PPP1R16A: variants seen among roughly 807,000 people sequenced by gnomAD.
The protein encoded by PPP1R16A is protein phosphatase 1 regulatory subunit 16A, also known as myosin phosphatase-targeting subunit 3.
A neutral mutation model predicts 46.6 loss-of-function variants in PPP1R16A; 39 were observed. The observed-to-expected ratio is 0.84, with a 90% CI of 0.65 to 1.09. The LOEUF is 1.09. Ranked by LOEUF, PPP1R16A falls within the 50% of genes least tolerant of loss-of-function variation. The pLI, the probability that PPP1R16A is intolerant of heterozygous loss-of-function variation, is 0.00. For missense variants in PPP1R16A, 798 were observed against 735.6 expected (o/e 1.08, Z -0.98); for synonymous variants, 413 against 321.5 (o/e 1.28, Z -3.04).
chr8:144,501,327 G>A (rs1232572860), intron 11 of PPP1R16A, 33 bp downstream of exon 11: 2 of 1,544,032 alleles, frequency 1.3e-6, no homozygotes, highest in Non-Finnish European at 1.7e-6. Context: ...GCCCAGCGCA[G>A]GGGTGGGCCT....
chr8:144,493,049 G>A lies in PPP1R16A; in HGVS notation c.-735+2837G>A, dbSNP rs1445811631. On this transcript the variant is annotated intron_variant, in intron 2 of 11. Coordinates refer to ENST00000435887, the MANE Select transcript of PPP1R16A (RefSeq NM_001329443.2). This position sits in a 1 kb window ranked among gnomAD's most constrained non-coding sequence, Gnocchi z 4.3. ...CTGAGGCAGTGATGGGAGTAGAGAG[G>A]GCACTGAGGCTCTCGGGCCTGGAGC... 6.6e-6 allele frequency among the ~76,000 whole-genome samples: 1 copy of A among 152,098 alleles called. No homozygotes were observed. The highest frequency in any genetic ancestry group is 1.5e-5 in the Non-Finnish European group (1 of 67,984).
Position 144,500,493 on chromosome 8 carries a change from G to T in PPP1R16A, c.712G>T (p.Val238Phe), listed in dbSNP as rs1486723450. Residue 238 changes from valine (V) to phenylalanine (F), a missense_variant, in exon 8 of 12, where the codon GTC (valine) becomes TTC (phenylalanine). By Grantham distance (50) the Val-to-Phe change is conservative (BLOSUM62 -1). Coordinates refer to ENST00000435887, the MANE Select transcript of PPP1R16A (RefSeq NM_001329443.2). ...PLDHGATLLHVAAANGFSEAA... is the reference protein window; with the variant it reads ...PLDHGATLLHFAAANGFSEAA... ...GCCGGGCGCTTGCCTGCAGCTGCAC[G>T]TCGCAGCCGCCAACGGGTTCAGCGA... The T allele has an allele frequency of 6.3e-7, 1 of 1,582,848 alleles. No homozygotes were observed. The highest frequency in any genetic ancestry group is 8.5e-7 in the Non-Finnish European group (1 of 1,172,950).
In PPP1R16A at chr8:144,500,842, A is replaced by T; in HGVS notation, c.908A>T (p.Asp303Val). 1 of 1,583,480 alleles carries T rather than the reference A, an allele frequency of 6.3e-7. No individual in the cohort carries two copies. Among genetic ancestry groups the T allele is most frequent in the Non-Finnish European group, 8.6e-7 (1 of 1,166,016 alleles). The change falls in exon 10 of 12, where the codon GAT becomes GTT. Residue 303 changes from aspartate (D) to valine (V), a missense_variant and splice_region_variant. Asp to Val is a radical substitution (Grantham distance 152). Coordinates refer to ENST00000435887, the MANE Select transcript of PPP1R16A (RefSeq NM_001329443.2). Reference protein sequence around the residue: ...AKSLMDETPLDVCGDEEVRAK... With the variant: ...AKSLMDETPLVVCGDEEVRAK... ...CCTGACGCCTGCGCCCACTTCTCAG[A>T]TGTGTGCGGGGACGAGGAGGTGCGG...
At chr8:144,499,818 C>G (rs1826317449) in intron 5 of PPP1R16A, 1 of 439,252 alleles carries the variant, frequency 2.3e-6, no homozygotes, top group Admixed American at 3.6e-5. Context: ...AGCAGGCAGG[C>G]CCATCCAATG....
chr8:144,498,040 G>A (rs1237895890), intron 3 of PPP1R16A: 8 of 456,180 alleles, frequency 1.8e-5, no homozygotes, highest in Admixed American at 7.0e-5. Flanking sequence ...GAGTCTTGGG[G>A]GAAGAGGCAC....
At position 144,499,900 on chromosome 8, in the gene PPP1R16A, G is replaced by A. The variant is rs935525941; in HGVS notation, c.477-196G>A. The A allele has an allele frequency of 3.6e-5, 21 of 590,608 alleles. No homozygotes were observed. In the Middle Eastern group the frequency reaches 4.9e-3, roughly 139 times the overall value. The allele number at this position is 590,608 out of a possible 1,614,324, so 36.6% of individuals were successfully genotyped here. On this transcript the variant is annotated intron_variant, in intron 5 of 11. Transcript: ENST00000435887. ...ATCCCTGGATGGATAGAGACTGCAG[G>A]AGGCCTGTCTGGCTTAATGACAGGA... is the stretch of plus-strand genomic sequence containing the variant.
rs895239477 is a variant in PPP1R16A, at chr8:144,493,272, G to T, written c.-735+3060G>T. ...TTGAGGAGTGGAATGAACCCACCGG[G>T]TTATCTGTTTAGAACTGGAATGAAC... On this transcript the variant is annotated intron_variant, in intron 2 of 11. Transcript: ENST00000435887. This position sits in a 1 kb window ranked among gnomAD's most constrained non-coding sequence, Gnocchi z 4.3. Among the ~76,000 whole-genome samples, 1 of 152,206 alleles carries T rather than the reference G, an allele frequency of 6.6e-6. No homozygotes were observed. The highest frequency in any genetic ancestry group is 1.5e-5 in the Non-Finnish European group (1 of 68,008).
rs80084397 is a variant in PPP1R16A, at chr8:144,482,674, T to G, written c.-914+4547T>G. ...AGCTAACTTTTTTTTTTTTTTTTTT[T>G]GGGACAGTCTCACTCTATCGCCAGG... is the stretch of plus-strand genomic sequence containing the variant. On this transcript the variant is annotated intron_variant, in intron 1 of 11. Transcript: ENST00000435887. Among the ~76,000 whole-genome samples the G allele has an allele frequency of 5.9e-3, 865 of 147,100 alleles. 11 individuals are homozygous for G. The highest frequency in any genetic ancestry group is 0.021 in the African/African-American group (811 of 38,384).
In PPP1R16A at chr8:144,500,689, C is replaced by T. The variant is rs749868522; in HGVS notation, c.835C>T (p.Pro279Ser). The T allele has an allele frequency of 2.5e-6, 4 of 1,610,672 alleles. No individual in the cohort carries two copies. The South Asian group carries it at 4.4e-5, about 18-fold the overall frequency. Residue 279 changes from proline to serine, a missense_variant, in exon 9 of 12, where the codon CCC becomes TCC. Pro to Ser is a moderately conservative substitution (Grantham distance 74). Coordinates refer to ENST00000435887, the MANE Select transcript of PPP1R16A (RefSeq NM_001329443.2). Reference sequence around the variant, plus strand: ...AGCTCCGGCCTGCCGTCCACAGGTGCCCCTGGTGGAGCTGCTCGTGGCGCA... The same window carrying T: ...AGCTCCGGCCTGCCGTCCACAGGTGTCCCTGGTGGAGCTGCTCGTGGCGCA... ...LHAAAYWGQVPLVELLVAHGA... is the reference protein window; with the variant it reads ...LHAAAYWGQVSLVELLVAHGA...
At chr8:144,491,590 C>T (rs1384774396) in intron 2 of PPP1R16A, among the ~76,000 whole-genome samples, 2 of 152,000 alleles carry the variant, frequency 1.3e-5, no homozygotes, top group Admixed American at 1.3e-4. Flanking sequence ...GGTGAAACCC[C>T]ATCTCTACTA....
At chr8:144,498,468 G>A (rs938098906) in intron 3 of PPP1R16A, 5 of 433,554 alleles carry the variant, frequency 1.2e-5, no homozygotes, top group African/African-American at 3.9e-5. Flanking sequence ...TGGGCTGGAG[G>A]GAGGTGTGGG....
intron 1 of PPP1R16A, among the ~76,000 whole-genome samples, chr8:144,484,681 G>A (rs1825573184): frequency 6.6e-6 from 1 of 152,216 alleles, no homozygotes; most frequent in Admixed American, 6.5e-5. Flanking sequence ...TGGTTTCTGG[G>A]GAGAGGCTTC....
intron 2 of PPP1R16A, among the ~76,000 whole-genome samples, chr8:144,492,975 A>C (rs1246169701): frequency 2.0e-5 from 3 of 152,060 alleles, no homozygotes; most frequent in Non-Finnish European, 4.4e-5. Context: ...CTCTGGGTTT[A>C]GGCTTGGCCT....
chr8:144,501,023 A>G (rs992622619), intron 10 of PPP1R16A, 52 bp downstream of exon 10: 16 of 1,485,880 alleles, frequency 1.1e-5, no homozygotes, highest in African/African-American at 8.5e-5. Context: ...CGCGGACGTC[A>G]GCCCCGGGCG....
chr8:144,493,329 G>T lies in PPP1R16A; in HGVS notation c.-735+3117G>T, dbSNP rs1386547461. The stretch of plus-strand genomic sequence containing the variant: ...GGGAATCTGTTTGACATTCCAAGGA[G>T]GTTTGGGGGAAGGTTTGTGGAGTAG... On this transcript the variant is annotated intron_variant, in intron 2 of 11. Coordinates refer to ENST00000435887, the MANE Select transcript of PPP1R16A (RefSeq NM_001329443.2). This position sits in a 1 kb window ranked among gnomAD's most constrained non-coding sequence, Gnocchi z 4.3. Among the ~76,000 whole-genome samples, 1 of 152,168 alleles carries T rather than the reference G, an allele frequency of 6.6e-6. No homozygotes were observed. The highest frequency in any genetic ancestry group is 2.4e-5 in the African/African-American group (1 of 41,456).
chr8:144,485,788 A>G (rs749870304), intron 1 of PPP1R16A, among the ~76,000 whole-genome samples: 31 of 152,212 alleles, frequency 2.0e-4, no homozygotes, highest in Non-Finnish European at 3.8e-4. Flanking sequence ...GCCAAGATGC[A>G]GCACAGCCAC....
chr8:144,480,178 G>A (rs1407309476), intron 1 of PPP1R16A, among the ~76,000 whole-genome samples: 2 of 152,246 alleles, frequency 1.3e-5, no homozygotes, highest in African/African-American at 4.8e-5. Flanking sequence ...TTTCCAGACA[G>A]AAGGAGCAGC....
intron 5 of PPP1R16A, 72 bp from the exon 6 acceptor site, chr8:144,500,024 A>G: frequency 6.7e-7 from 1 of 1,489,568 alleles, no homozygotes; most frequent in Admixed American, 2.0e-5. Flanking sequence ...CCTGGCGGGG[A>G]CTTCTCCAAG....
At chr8:144,484,283 T>C (rs918844474) in intron 1 of PPP1R16A, among the ~76,000 whole-genome samples, 1 of 152,356 alleles carries the variant, frequency 6.6e-6, no homozygotes, top group East Asian at 1.9e-4. Flanking sequence ...AAGCTCACTT[T>C]TGTGATTTTG....
Sources: allele counts gnomAD v4.1 joint callset (sites outside exome capture counted in the v4.1 genomes callset), GRCh38; gene constraint gnomAD v4.1.1; non-coding constraint Gnocchi (gnomAD v3.1); transcripts MANE v1.5; gene names NCBI Gene and HGNC (gene_info 2026-07-23, HGNC 2026-07-21).